DCAF6: variants seen among roughly 807,000 people sequenced by gnomAD.
DCAF6 encodes the protein DDB1 and CUL4 associated factor 6.
Under a neutral mutation model 125.1 loss-of-function variants are expected in DCAF6, and 54 were observed. That is an observed-to-expected ratio of 0.43 (90% CI 0.35 to 0.54). The LOEUF (loss-of-function observed/expected upper bound fraction) is 0.54. Ranked by LOEUF, DCAF6 falls within the 20% of genes least tolerant of loss-of-function variation. The probability of loss-of-function intolerance (pLI) is 0.01; values close to 1 mark genes in which losing one functional copy is unlikely to be tolerated. For synonymous variants in DCAF6, 371 were observed against 390.4 expected (o/e 0.95, Z 0.58); for missense variants, 934 against 1,161.7 (o/e 0.80, Z 2.85).
chr1:168,068,278 T>G (rs1692597729), intron 20 of DCAF6, 80 bp from the exon 21 acceptor site: 1 of 927,768 alleles, frequency 1.1e-6, no homozygotes, highest in African/African-American at 1.7e-5. Context: ...ACTGGCTGAT[T>G]GTTTACGGTT....
At chr1:168,066,349 C>T (rs995396531) in intron 19 of DCAF6, 28 bp from the exon 20 acceptor site, 8 of 1,448,654 alleles carry the variant, frequency 5.5e-6, no homozygotes, top group Non-Finnish European at 6.7e-6. Context: ...TTCTAGGCTT[C>T]ATATTAATAT....
intron 11 of DCAF6, chr1:168,019,604 G>C: frequency 2.2e-6 from 1 of 452,230 alleles, no homozygotes; most frequent in Non-Finnish European, 4.5e-6. Context: ...TGTGGAGTCT[G>C]CTGGTACTGA....
At chr1:167,910,504 T>C in the DCAF6 span, among the ~76,000 whole-genome samples, 1 of 152,192 alleles carries the variant, frequency 6.6e-6, no homozygotes. Context: ...TGGGTGTGTA[T>C]GCAAGGTGTA....
At chr1:167,979,760 G>T (rs1678820720) in intron 4 of DCAF6, among the ~76,000 whole-genome samples, 1 of 152,172 alleles carries the variant, frequency 6.6e-6, no homozygotes, top group Non-Finnish European at 1.5e-5. Context: ...GGTGGCAGGT[G>T]CCTGTAGTCC....
At chr1:168,055,899 T>G (rs1320140640) in intron 17 of DCAF6, 1 of 1,517,970 alleles carries the variant, frequency 6.6e-7, no homozygotes, top group Non-Finnish European at 9.1e-7. Flanking sequence ...GGAGTTCCAT[T>G]TTCACTCCTC....
At position 167,936,846 on chromosome 1, in the gene DCAF6, T is replaced by C; in HGVS notation, c.-66T>C. On this transcript the variant is annotated 5_prime_UTR_variant, in exon 1 of 22. Transcript: ENST00000367840. ...GGTGCGGCTCGGGTGTTGAAACGGG[T>C]GTCCCCTCCCCCTCCTCCCCTCCCC... 7.4e-7 allele frequency: 1 copy of C among 1,347,854 alleles called. No individual in the cohort carries two copies. Among genetic ancestry groups the C allele is most frequent in the Admixed American group, 2.0e-5 (1 of 49,626 alleles). 83.5% of individuals were successfully genotyped at this position (1,347,854 alleles called of 1,614,324 possible).
At chr1:168,062,871 G>A (rs1366722364) in intron 17 of DCAF6, among the ~76,000 whole-genome samples, 1 of 151,136 alleles carries the variant, frequency 6.6e-6, no homozygotes, top group African/African-American at 2.4e-5. Context: ...TAAAGAAGAT[G>A]CTATTTGAAG....
upstream of DCAF6, chr1:167,936,664 G>A (rs1350200542): frequency 2.2e-6 from 1 of 444,538 alleles, no homozygotes. Context: ...GCTGAGGGAG[G>A]AGACTGTTGC....
At chr1:167,942,513 A>G (rs1161439843) in intron 1 of DCAF6, among the ~76,000 whole-genome samples, 1 of 152,180 alleles carries the variant, frequency 6.6e-6, no homozygotes, top group Non-Finnish European at 1.5e-5. Context: ...CCTTAATCAG[A>G]TATGTACTTT....
At chr1:167,977,739 T>C (rs1678472638) in intron 4 of DCAF6, among the ~76,000 whole-genome samples, 1 of 152,194 alleles carries the variant, frequency 6.6e-6, no homozygotes, top group Non-Finnish European at 1.5e-5. Context: ...ATATCAGACC[T>C]GCTTATTAGA....
chr1:167,880,420 C>G, the DCAF6 span: 82,364 of 1,152,346 alleles, frequency 0.071, 3,340 homozygotes, highest in Middle Eastern at 0.09. Flanking sequence ...TTTCCTGTTC[C>G]CTGCATGCCC....
chr1:168,029,979 CAAAA>C (rs34555735), intron 12 of DCAF6, among the ~76,000 whole-genome samples: 1 of 121,780 alleles, frequency 8.2e-6, no homozygotes, highest in Non-Finnish European at 1.8e-5. Flanking sequence ...GACTCCGTCT[CAAAA>C]AAAAAAAAAA....
In DCAF6 at chr1:168,045,182, C is replaced by G; in HGVS notation, c.2213C>G (p.Pro738Arg). 1 of 1,613,638 alleles carries G rather than the reference C, an allele frequency of 6.2e-7. No homozygotes were observed. The highest frequency in any genetic ancestry group is 8.5e-7 in the Non-Finnish European group (1 of 1,179,834). ...LQDTDDSDDD[P>R]VLIPGARYRA... ...GACACAGATGACAGTGATGATGACC[C>G]AGTCCTGATCCCAGGTGCAAGGTAT... The change falls in exon 16 of 22, where the codon CCA (proline) becomes CGA (arginine). Residue 738 changes from proline to arginine, a missense_variant. Around this residue, in one of 5 missense-constraint regions of DCAF6, gnomAD observed 559 missense variants for 635.5 expected, o/e 0.88. Transcript: ENST00000367840.
At chr1:167,899,724 T>A in the DCAF6 span, 1 of 1,186,320 alleles carries the variant, frequency 8.4e-7, no homozygotes, top group Non-Finnish European at 1.2e-6. Flanking sequence ...GGTGGGACTA[T>A]ACTATCTCAG....
At chr1:168,038,265 A>T in intron 12 of DCAF6, 106 bp from the exon 13 acceptor site, 1 of 804,870 alleles carries the variant, frequency 1.2e-6, no homozygotes, top group South Asian at 1.6e-5. Context: ...ATGTGAAAAA[A>T]GAATTATGAC....
chr1:168,014,218 G>C (rs1473609307), intron 10 of DCAF6, among the ~76,000 whole-genome samples: 1 of 152,046 alleles, frequency 6.6e-6, no homozygotes, highest in Non-Finnish European at 1.5e-5. Flanking sequence ...AATAGCTCTT[G>C]TCGAGGTCAT....
chr1:168,028,985 AT>A (rs1177922852), intron 12 of DCAF6, among the ~76,000 whole-genome samples: 1 of 152,164 alleles, frequency 6.6e-6, no homozygotes, highest in Admixed American at 6.5e-5. Context: ...AATTCTTTGT[AT>A]TTCTTAGAAC....
At chr1:168,024,060 A>C (rs1236541921) in intron 12 of DCAF6, 11 of 151,848 alleles carry the variant, frequency 7.2e-5, no homozygotes, top group African/African-American at 2.7e-4. Flanking sequence ...TAAAAAAAAA[A>C]AAATTAATTA....
chr1:167,938,465 C>T (rs781411805), intron 1 of DCAF6, among the ~76,000 whole-genome samples: 2 of 152,284 alleles, frequency 1.3e-5, no homozygotes, highest in Middle Eastern at 3.4e-3. Flanking sequence ...GACGTTCGCC[C>T]TTACAGCATT....
Sources: gnomAD v4.1 joint callset for allele counts (sites outside exome capture counted in the v4.1 genomes callset) on GRCh38, gnomAD v4.1.1 for gene constraint, gnomAD v4.1.1 regional missense constraint, MANE v1.5 for transcripts, NCBI Gene and HGNC (gene_info 2026-07-23, HGNC 2026-07-21) for gene names.